The following PCDH15 variants were observed in gnomAD, a reference collection of about 807,000 sequenced individuals.
PCDH15 encodes the protein protocadherin-15.
In PCDH15, 129 loss-of-function variants were observed where a neutral mutation model predicts 178.5. That is an observed-to-expected ratio of 0.72 (90% CI 0.63 to 0.84). PCDH15 has a LOEUF of 0.84. PCDH15 is among the 40% of genes least tolerant of loss of function. The pLI is 0.00. For missense variants in PCDH15, 2,230 were observed against 2,099.9 expected, an observed-to-expected ratio of 1.06 and a Z score of -1.21; for synonymous variants, 800 against 732.0, an observed-to-expected ratio of 1.09 and a Z score of -1.50.
intron 2 of PCDH15, among the ~76,000 whole-genome samples, chr10:55,075,656 C>T (rs953095133): frequency 4.6e-5 from 7 of 152,064 alleles, no homozygotes; most frequent in Non-Finnish European, 8.8e-5. Context: ...AGCCACTGTG[C>T]CTGGCCTGTT....
intron 3 of PCDH15, among the ~76,000 whole-genome samples, chr10:54,471,872 T>A (rs1305000721): frequency 6.6e-6 from 1 of 152,136 alleles, no homozygotes; most frequent in African/African-American, 2.4e-5. Flanking sequence ...GAGCTGTATA[T>A]TTTTAAACAT....
chr10:53,940,824 T>G, intron 24 of PCDH15, 42 bp downstream of exon 24: 1 of 1,398,202 alleles, frequency 7.2e-7, no homozygotes, highest in South Asian at 1.2e-5. Flanking sequence ...AAATCTAAGT[T>G]TACTGGTTGA....
chr10:54,117,867 G>A (rs1250119424), intron 15 of PCDH15, among the ~76,000 whole-genome samples: 1 of 152,086 alleles, frequency 6.6e-6, no homozygotes, highest in Non-Finnish European at 1.5e-5. Context: ...GAGTCTGGGG[G>A]TTTTAATGGG....
intron 1 of PCDH15, among the ~76,000 whole-genome samples, chr10:54,716,502 AT>A (rs1383012151): frequency 6.6e-6 from 1 of 151,950 alleles, no homozygotes; most frequent in Non-Finnish European, 1.5e-5. Flanking sequence ...ATTCCTAGCT[AT>A]TTTATTCTCT....
At chr10:53,914,868 C>A (rs1193984930) in intron 25 of PCDH15, among the ~76,000 whole-genome samples, 3 of 152,030 alleles carry the variant, frequency 2.0e-5, no homozygotes, top group African/African-American at 7.2e-5. Flanking sequence ...GACTCTGAAA[C>A]CATTTTGGAA....
chr10:55,059,989 A>T (rs117936979), intron 2 of PCDH15, among the ~76,000 whole-genome samples: 4,443 of 41,044 alleles, frequency 0.11, 103 homozygotes, highest in Non-Finnish European at 0.18. Flanking sequence ...CAAAAAATTA[A>T]AAAAAAAAAT....
At chr10:55,077,438 TCTTC>T (rs1353723274) in intron 2 of PCDH15, among the ~76,000 whole-genome samples, 2 of 74,834 alleles carry the variant, frequency 2.7e-5, no homozygotes, top group African/African-American at 6.5e-5. Context: ...TTCCTTCCTT[TCTTC>T]CTTCCTTCCC....
At chr10:54,989,713 T>C (rs893697366) in intron 2 of PCDH15, among the ~76,000 whole-genome samples, 1 of 152,170 alleles carries the variant, frequency 6.6e-6, no homozygotes, top group Non-Finnish European at 1.5e-5. Flanking sequence ...TTTGAGCTAA[T>C]GCTGAAATGA....
chr10:54,652,969 T>C (rs2094295465), intron 2 of PCDH15, among the ~76,000 whole-genome samples: 1 of 152,210 alleles, frequency 6.6e-6, no homozygotes, highest in African/African-American at 2.4e-5. Flanking sequence ...TTATTAAGAA[T>C]ACAAACAAAA....
intron 15 of PCDH15, among the ~76,000 whole-genome samples, chr10:54,115,368 G>T (rs2132764092): frequency 6.6e-6 from 1 of 152,286 alleles, no homozygotes; most frequent in Middle Eastern, 3.4e-3. Context: ...TACTAATTTT[G>T]AGATGCTCTG....
At position 53,816,235 on chromosome 10, in the gene PCDH15, A is replaced by G. The variant is rs2076055659; in HGVS notation, c.4491+4T>C. The G allele has an allele frequency of 2.5e-6, 1 of 398,776 alleles. No individual in the cohort carries two copies. The highest frequency in any genetic ancestry group is 4.4e-5 in the Admixed American group (1 of 22,710). 24.7% of individuals were successfully genotyped at this position (398,776 alleles called of 1,614,324 possible). A position where few individuals can be genotyped will look rare whatever the true frequency, so the allele number is the denominator to read the frequency against. On this transcript the variant is annotated splice_donor_region_variant and intron_variant, in intron 35 of 37. Transcript: ENST00000644397. Reference sequence around the variant, plus strand: ...GAGGTTGAAAAGAAAATGAAAATTGATACCTCTGGTTTAAGAAGAGAGGGC... The same window carrying G: ...GAGGTTGAAAAGAAAATGAAAATTGGTACCTCTGGTTTAAGAAGAGAGGGC...
chr10:54,424,943 G>A (rs12356592), intron 3 of PCDH15, among the ~76,000 whole-genome samples: 70,158 of 148,234 alleles, frequency 0.47, 17,418 homozygotes, highest in Middle Eastern at 0.52. Flanking sequence ...CACCAACATG[G>A]CACATGTATA....
At chr10:54,079,255 C>G (rs181809272) in intron 17 of PCDH15, 76 bp downstream of exon 17, 1 of 1,340,124 alleles carries the variant, frequency 7.5e-7, no homozygotes, top group Non-Finnish European at 1.1e-6. Flanking sequence ...TAATTCATGT[C>G]TGTGATACAT....
intron 2 of PCDH15, among the ~76,000 whole-genome samples, chr10:55,510,875 C>A (rs1031639017): frequency 1.1e-4 from 16 of 149,992 alleles, no homozygotes; most frequent in Non-Finnish European, 2.2e-4. Flanking sequence ...TACACACACA[C>A]ACTTGAGATA....
At chr10:54,386,881 G>C (rs561248758) in intron 3 of PCDH15, among the ~76,000 whole-genome samples, 1 of 152,058 alleles carries the variant, frequency 6.6e-6, no homozygotes, top group East Asian at 1.9e-4. Context: ...AGGTGGTGCA[G>C]CCCAAAATTT....
intron 14 of PCDH15, among the ~76,000 whole-genome samples, chr10:54,147,385 C>T (rs1481618308): frequency 6.6e-6 from 1 of 151,794 alleles, no homozygotes; most frequent in Non-Finnish European, 1.5e-5. Context: ...CTGAAGATGG[C>T]ACTTTGTTTT....
intron 1 of PCDH15, among the ~76,000 whole-genome samples, chr10:55,279,708 A>G (rs1187267352): frequency 1.3e-5 from 2 of 152,196 alleles, no homozygotes; most frequent in African/African-American, 4.8e-5. Flanking sequence ...TCTCCAAAAC[A>G]TCAATAGAAA....
intron 1 of PCDH15, among the ~76,000 whole-genome samples, chr10:55,223,886 T>C (rs1266757506): frequency 1.3e-5 from 2 of 152,140 alleles, no homozygotes; most frequent in Non-Finnish European, 2.9e-5. Context: ...ATTTTACCTT[T>C]CAGTTTACCG....
At chr10:55,623,978 G>A (rs991996101) in intron 2 of PCDH15, among the ~76,000 whole-genome samples, 1 of 152,088 alleles carries the variant, frequency 6.6e-6, no homozygotes, top group Non-Finnish European at 1.5e-5. Context: ...GGGGCTATGT[G>A]AAAAGAAAAT....
Sources: gnomAD v4.1 joint callset for allele counts (sites outside exome capture counted in the v4.1 genomes callset) on GRCh38, gnomAD v4.1.1 for gene constraint, MANE v1.5 for transcripts, NCBI Gene and HGNC (gene_info 2026-07-23, HGNC 2026-07-21) for gene names.